Variants in CNKSR2 observed in about 807,000 individuals in gnomAD.
CNKSR2 encodes the protein connector enhancer of kinase suppressor of Ras 2.
A neutral mutation model predicts 84.4 loss-of-function variants in CNKSR2; 14 were observed. The ratio of observed to expected loss-of-function variants is 0.17; its 90% CI spans 0.11 to 0.26. CNKSR2 has a LOEUF of 0.26. Ranked by LOEUF, CNKSR2 falls within the 10% of genes least tolerant of loss-of-function variation. CNKSR2 has a pLI of 1.00. For missense variants in CNKSR2, 485 were observed against 771.2 expected (o/e 0.63, Z 4.40); for synonymous variants, 275 against 277.9 (o/e 0.99, Z 0.10).
intron 7 of CNKSR2, among the ~76,000 whole-genome samples, chrX:21,498,811 A>C (rs182679176): frequency 4.6e-5 from 5 of 109,405 alleles, no homozygotes; most frequent in Admixed American, 1.9e-4. Context: ...TGAGCTTTGA[A>C]TGTATTTTTT....
chrX:21,523,003 T>C (rs1012219611), intron 9 of CNKSR2, among the ~76,000 whole-genome samples: 1 of 111,046 alleles, frequency 9.0e-6, no homozygotes, highest in Non-Finnish European at 1.9e-5. Flanking sequence ...GTTATAAATG[T>C]ATGTTTGAAG....
intron 1 of CNKSR2, among the ~76,000 whole-genome samples, chrX:21,420,182 C>G (rs2090476212): frequency 8.9e-6 from 1 of 112,741 alleles, no homozygotes; most frequent in East Asian, 2.8e-4. Flanking sequence ...ACTGTCACCA[C>G]AAAACCATGG....
chrX:21,602,919 A>G (rs2092491983), intron 18 of CNKSR2, among the ~76,000 whole-genome samples: 1 of 112,266 alleles, frequency 8.9e-6, no homozygotes, highest in South Asian at 3.7e-4. Flanking sequence ...CAATTTGCAT[A>G]AATATAAGGG....
intron 17 of CNKSR2, among the ~76,000 whole-genome samples, chrX:21,598,458 C>T (rs182045643): frequency 9.0e-6 from 1 of 111,434 alleles, no homozygotes; most frequent in African/African-American, 3.2e-5. Context: ...TTGTGAATAT[C>T]TCCTTTGAAT....
chrX:21,544,285 C>T (rs1162354712), intron 11 of CNKSR2, among the ~76,000 whole-genome samples: 2 of 111,322 alleles, frequency 1.8e-5, no homozygotes, highest in African/African-American at 6.5e-5. Flanking sequence ...GTTAATAACA[C>T]TGCAAACTGC....
intron 20 of CNKSR2, chrX:21,642,832 G>A: frequency 1.3e-6 from 1 of 745,486 alleles, no homozygotes; most frequent in Non-Finnish European, 1.6e-6. Context: ...AATGGAATTT[G>A]TGTCTGTGAA....
At chrX:21,411,616 G>T (rs896402637) in intron 1 of CNKSR2, among the ~76,000 whole-genome samples, 11 of 110,328 alleles carry the variant, frequency 1.0e-4, no homozygotes, top group African/African-American at 3.3e-4. Context: ...CTGTTTTCAG[G>T]GTCTAATACT....
chrX:21,626,244 TA>T (rs397895953), intron 20 of CNKSR2, among the ~76,000 whole-genome samples: 6,949 of 40,796 alleles, frequency 0.17, 498 homozygotes, highest in African/African-American at 0.33. Flanking sequence ...TTCTAGGTGG[TA>T]AAAAAAAAAA....
intron 20 of CNKSR2, among the ~76,000 whole-genome samples, chrX:21,631,812 A>G (rs2092649270): frequency 8.9e-6 from 1 of 112,168 alleles, no homozygotes; most frequent in African/African-American, 3.2e-5. Context: ...ATATAAAACT[A>G]CTTCGTAAAG....
intron 9 of CNKSR2, among the ~76,000 whole-genome samples, chrX:21,521,607 T>G (rs1194374325): frequency 1.8e-5 from 2 of 110,844 alleles, no homozygotes; most frequent in Non-Finnish European, 3.8e-5. Context: ...ACACTAGTGT[T>G]AGCCTCAATA....
At chrX:21,513,989 A>G (rs947793566) in intron 8 of CNKSR2, among the ~76,000 whole-genome samples, 3 of 112,351 alleles carry the variant, frequency 2.7e-5, no homozygotes, top group Non-Finnish European at 5.6e-5. Context: ...AAATAAAAGT[A>G]TAAAGAAGAA....
At chrX:21,595,531 T>G (rs1940199520) in intron 17 of CNKSR2, 136 bp downstream of exon 17, 1 of 354,090 alleles carries the variant, frequency 2.8e-6, no homozygotes, top group Non-Finnish European at 4.9e-6. Context: ...AATAGCTCCA[T>G]GCAGCCATAT....
intron 20 of CNKSR2, among the ~76,000 whole-genome samples, chrX:21,621,289 T>C (rs2147302880): frequency 8.9e-6 from 1 of 111,843 alleles, no homozygotes; most frequent in East Asian, 2.8e-4. Context: ...TTGGCTCATA[T>C]AATGCTTTAA....
chrX:21,481,913 G>C (rs776753744), intron 5 of CNKSR2, among the ~76,000 whole-genome samples: 1 of 111,624 alleles, frequency 9.0e-6, no homozygotes, highest in Non-Finnish European at 1.9e-5. Flanking sequence ...CTTGAAAGCA[G>C]ATTCTTCCCT....
At chrX:21,388,305 T>TA (rs1189596759) in intron 1 of CNKSR2, among the ~76,000 whole-genome samples, 1 of 112,288 alleles carries the variant, frequency 8.9e-6, no homozygotes, top group Non-Finnish European at 1.9e-5. Context: ...GATGAACTAA[T>TA]AGACAGTGAA....
chrX:21,433,145 C>A (rs1422700567), intron 3 of CNKSR2, among the ~76,000 whole-genome samples: 2 of 110,907 alleles, frequency 1.8e-5, no homozygotes, highest in Non-Finnish European at 3.8e-5. Context: ...GTTCTTTATT[C>A]ATATTAATTG....
intron 19 of CNKSR2, 77 bp downstream of exon 19, chrX:21,606,956 G>T: frequency 2.0e-6 from 1 of 500,314 alleles, no homozygotes. Flanking sequence ...AAAAACATAT[G>T]TAGTAGATTG....
chrX:21,608,691 G>T (rs941739108), intron 19 of CNKSR2, among the ~76,000 whole-genome samples: 2 of 111,669 alleles, frequency 1.8e-5, no homozygotes, highest in Non-Finnish European at 3.8e-5. Context: ...CAAGCTACAT[G>T]AAATCAGGAA....
chrX:21,583,638 A>G (rs765035523), intron 13 of CNKSR2, among the ~76,000 whole-genome samples: 1 of 112,214 alleles, frequency 8.9e-6, no homozygotes, highest in African/African-American at 3.2e-5. Flanking sequence ...TTACTGCAAC[A>G]AGAGAGTACT....
Sources: gnomAD v4.1 joint callset for allele counts (sites outside exome capture counted in the v4.1 genomes callset) on GRCh38, gnomAD v4.1.1 for gene constraint, MANE v1.5 for transcripts, NCBI Gene and HGNC (gene_info 2026-07-23, HGNC 2026-07-21) for gene names.